CSPP1: variants seen among roughly 807,000 people sequenced by gnomAD.
CSPP1 encodes centrosome and spindle pole associated protein 1.
In CSPP1, 126 loss-of-function variants were observed where a neutral mutation model predicts 164.4. The ratio of observed to expected loss-of-function variants is 0.77; its 90% CI spans 0.66 to 0.89. The LOEUF is 0.89. Among genes scored for constraint, CSPP1 ranks in the 40% least tolerant of loss-of-function variants. CSPP1 has a pLI of 0.00. For missense variants in CSPP1, 1,395 were observed against 1,449.8 expected, an observed-to-expected ratio of 0.96 and a Z score of 0.61; for synonymous variants, 472 against 476.7, an observed-to-expected ratio of 0.99 and a Z score of 0.13.
chr8:67,079,636 T>C (rs1808735011), intron 3 of CSPP1, among the ~76,000 whole-genome samples: 3 of 152,340 alleles, frequency 2.0e-5, no homozygotes, highest in African/African-American at 7.2e-5. Flanking sequence ...TCTGATCATA[T>C]TAGTCTCTGC....
intron 9 of CSPP1, among the ~76,000 whole-genome samples, chr8:67,109,155 G>A (rs185070085): frequency 3.3e-5 from 5 of 152,316 alleles, no homozygotes; most frequent in South Asian, 2.1e-4. Flanking sequence ...CCTTTTAACC[G>A]GAGGCTTGAG....
chr8:67,118,904 AT>A, intron 15 of CSPP1, 83 bp downstream of exon 15: 1 of 853,932 alleles, frequency 1.2e-6, no homozygotes, highest in Non-Finnish European at 2.0e-6. Flanking sequence ...CCATCCTAAC[AT>A]TTTAGAGTAT....
rs1484189774 is a variant in CSPP1 at position 67,064,540 on chromosome 8, TGTG to T, written c.-11+4_-11+6del. 6.2e-7 allele frequency: 1 copy of T among 1,605,660 alleles called. No homozygotes were observed. The highest frequency in any genetic ancestry group is 8.5e-7 in the Non-Finnish European group (1 of 1,177,228). On this transcript the variant is annotated splice_donor_5th_base_variant and intron_variant, in intron 1 of 30. Coordinates refer to ENST00000678616, the MANE Select transcript of CSPP1 (RefSeq NM_001382391.1). ...CGGATGGGGAGCGTGAGTGGCGAGG[TGTG>T]GCCTGGGGTGGTGTAGGTTGAGGGT... is the stretch of plus-strand genomic sequence containing the variant.
intron 17 of CSPP1, among the ~76,000 whole-genome samples, chr8:67,146,065 G>A (rs1169457106): frequency 2.6e-5 from 4 of 151,280 alleles, no homozygotes; most frequent in Non-Finnish European, 4.4e-5. Flanking sequence ...ATTTTCCTGA[G>A]AGCTTTCTTT....
chr8:67,174,397 T>C (rs1831118602), intron 25 of CSPP1: 1 of 152,104 alleles, frequency 6.6e-6, no homozygotes, highest in African/African-American at 2.4e-5. Context: ...GTGTAATTAG[T>C]GAGTCAAAGG....
intron 27 of CSPP1, 108 bp from the exon 28 acceptor site, chr8:67,179,755 C>T: frequency 1.4e-6 from 1 of 722,132 alleles, no homozygotes; most frequent in East Asian, 2.5e-5. Flanking sequence ...TACCCATCCT[C>T]TGCTTTTAGG....
At chr8:67,103,178 G>C in intron 8 of CSPP1, 43 bp downstream of exon 8, 2 of 1,206,426 alleles carry the variant, frequency 1.7e-6, no homozygotes, top group Non-Finnish European at 2.4e-6. Context: ...TCATTACATT[G>C]TGAAACAGAA....
Position 67,095,624 on chromosome 8 carries a change from G to A in CSPP1, c.815G>A (p.Arg272Gln), listed in dbSNP as rs201609022. 577 of 1,613,176 alleles carry A rather than the reference G, an allele frequency of 3.6e-4. 1 individual carries two copies. The African/African-American group carries it at 6.8e-3, about 19-fold the overall frequency. The change falls in exon 7 of 31, where the codon CGG (arginine) becomes CAG (glutamine). Residue 272 changes from arginine (R) to glutamine (Q), a missense_variant. Coordinates refer to ENST00000678616, the MANE Select transcript of CSPP1 (RefSeq NM_001382391.1). ...RFNEDRVFDRRYHRPDQDPEV... is the reference protein window; with the variant it reads ...RFNEDRVFDRQYHRPDQDPEV... The stretch of plus-strand genomic sequence containing the variant: ...AATGAGGATCGTGTTTTTGATAGAC[G>A]GTATCATAGACCAGACCAAGATCCT...
chr8:67,147,553 C>T (rs148911312), intron 17 of CSPP1, among the ~76,000 whole-genome samples: 280 of 152,172 alleles, frequency 1.8e-3, no homozygotes, highest in African/African-American at 6.5e-3. Flanking sequence ...CTTGTACCCC[C>T]GCGCCCCACC....
chr8:67,182,563 A>G (rs1833322182), intron 28 of CSPP1, among the ~76,000 whole-genome samples: 1 of 152,218 alleles, frequency 6.6e-6, no homozygotes, highest in African/African-American at 2.4e-5. Flanking sequence ...GACTCACCAC[A>G]TTGTTTTCCA....
rs1398774310 is a variant in CSPP1, at chr8:67,095,737, T to G, written c.923+5T>G. The G allele has an allele frequency of 6.7e-7, 1 of 1,493,904 alleles. No homozygotes were observed. Among genetic ancestry groups the G allele is most frequent in the South Asian group, 1.2e-5 (1 of 81,038 alleles). 92.5% of individuals were successfully genotyped at this position (1,493,904 alleles called of 1,614,324 possible). A position where few individuals can be genotyped will look rare whatever the true frequency, so the allele number is the denominator to read the frequency against. ...GAGAGTGTATACAAATGACAGGTATTTACAACTTCATTTTTATTTTATTTG... is the reference window on the plus strand; with the variant it reads ...GAGAGTGTATACAAATGACAGGTATGTACAACTTCATTTTTATTTTATTTG... On this transcript the variant is annotated splice_donor_5th_base_variant and intron_variant, in intron 7 of 30. Coordinates refer to ENST00000678616, the MANE Select transcript of CSPP1 (RefSeq NM_001382391.1).
At chr8:67,159,961 CTTTTCTTTTCTTTTCTTTTCTTTTCT>C (rs1827840388) in intron 21 of CSPP1, among the ~76,000 whole-genome samples, 1 of 29,264 alleles carries the variant, frequency 3.4e-5, no homozygotes, top group Non-Finnish European at 5.4e-5. Context: ...TTCCTTCTTT[CTTTTCTTTTCTTTTCTTTTCTTTTCT>C]TTTCTTTTCT....
chr8:67,149,947 CTTTTTTTTTTTTT>C lies in CSPP1; in HGVS notation c.2128+24_2128+36del. 6 of 1,138,326 alleles carry C rather than the reference CTTTTTTTTTTTTT, an allele frequency of 5.3e-6. No homozygotes were observed. In the African/African-American group the frequency reaches 6.7e-5, roughly 13 times the overall value. The allele number at this position is 1,138,326 out of a possible 1,614,324, so 70.5% of individuals were successfully genotyped here. A position where few individuals can be genotyped will look rare whatever the true frequency, so the allele number is the denominator to read the frequency against. On this transcript the variant is annotated intron_variant, in intron 18 of 30. Coordinates refer to ENST00000678616, the MANE Select transcript of CSPP1 (RefSeq NM_001382391.1). ...AAATAAAAGCTCAGGTTTTTAATCA[CTTTTTTTTTTTTT>C]TTTTTTTTTTTACATTTCTGAAATT...
At chr8:67,122,055 T>C (rs1340044444) in intron 15 of CSPP1, among the ~76,000 whole-genome samples, 1 of 151,834 alleles carries the variant, frequency 6.6e-6, no homozygotes, top group Admixed American at 6.5e-5. Flanking sequence ...TATTTATTTA[T>C]TTTTCTGACC....
intron 18 of CSPP1, among the ~76,000 whole-genome samples, chr8:67,151,161 G>A (rs1403139192): frequency 6.6e-6 from 1 of 152,066 alleles, no homozygotes; most frequent in East Asian, 1.9e-4. Context: ...CGTTTTCATG[G>A]GCAGCTTGTA....
At chr8:67,160,262 C>G (rs866016157) in intron 21 of CSPP1, among the ~76,000 whole-genome samples, 1 of 150,954 alleles carries the variant, frequency 6.6e-6, no homozygotes, top group Admixed American at 6.6e-5. Flanking sequence ...GCCAGGAGAT[C>G]GAGACCAGCC....
chr8:67,137,483 A>G lies in CSPP1; in HGVS notation c.1855A>G (p.Lys619Glu). The G allele has an allele frequency of 6.5e-7, 1 of 1,539,316 alleles. No individual in the cohort carries two copies. The highest frequency in any genetic ancestry group is 8.9e-7 in the Non-Finnish European group (1 of 1,128,088). The part of the protein sequence containing the change: ...QIREREERRK[K>E]EREEKEEYEA... ...TCGGGAAAGAGAAGAAAGAAGGAAG[A>G]AAGAACGTGAAGAAAAAGAAGAATA... Residue 619 changes from lysine (K) to glutamate (E), a missense_variant, in exon 17 of 31, where the codon AAA (lysine) becomes GAA (glutamate). By Grantham distance (56) the Lys-to-Glu change is moderately conservative. Transcript: ENST00000678616.
intron 7 of CSPP1, chr8:67,099,424 G>A (rs1161978000): frequency 1.3e-5 from 2 of 152,088 alleles, no homozygotes; most frequent in African/African-American, 4.8e-5. Flanking sequence ...GGGTCACAAG[G>A]ATAGTCTTAA....
At chr8:67,097,786 ATCT>A (rs1345967249) in intron 7 of CSPP1, among the ~76,000 whole-genome samples, 1 of 151,936 alleles carries the variant, frequency 6.6e-6, no homozygotes, top group Non-Finnish European at 1.5e-5. Flanking sequence ...GAACTCTCAT[ATCT>A]TCTTATGTAT....
Sources: allele counts gnomAD v4.1 joint callset (sites outside exome capture counted in the v4.1 genomes callset), GRCh38; gene constraint gnomAD v4.1.1; transcripts MANE v1.5; gene names NCBI Gene and HGNC (gene_info 2026-07-23, HGNC 2026-07-21).